The following TENM3 variants were observed in gnomAD, a reference collection of about 807,000 sequenced individuals.
The protein encoded by TENM3 is teneurin-3.
A neutral mutation model predicts 255.1 loss-of-function variants in TENM3; 63 were observed. The ratio of observed to expected loss-of-function variants is 0.25; its 90% confidence interval spans 0.20 to 0.30. The LOEUF (loss-of-function observed/expected upper bound fraction) is 0.30. Ranked by LOEUF, TENM3 falls within the 10% of genes least tolerant of loss-of-function variation. The pLI is 1.00. For synonymous variants in TENM3, 1,306 were observed against 1,322.3 expected, an observed-to-expected ratio of 0.99 and a Z score of 0.27; for missense variants, 2,929 against 3,461.1, an observed-to-expected ratio of 0.85 and a Z score of 3.86.
chr4:181,602,889 T>C, the TENM3 span, among the ~76,000 whole-genome samples: 1 of 152,200 alleles, frequency 6.6e-6, no homozygotes, highest in Non-Finnish European at 1.5e-5. Flanking sequence ...ATCTTCTGCA[T>C]ACTAAAGTTA....
the TENM3 span, among the ~76,000 whole-genome samples, chr4:182,025,020 A>ATTTTTTTTTTTTTTTT: frequency 2.3e-4 from 28 of 121,108 alleles, no homozygotes; most frequent in African/African-American, 7.7e-4. Context: ...ACAGGATTTC[A>ATTTTTTTTTTTTTTTT]TTTTTTTTTT....
At chr4:182,242,146 T>G (rs1757317765), upstream of TENM3, among the ~76,000 whole-genome samples, 1 of 149,972 alleles carries the variant, frequency 6.7e-6, no homozygotes, top group Non-Finnish European at 1.5e-5. Flanking sequence ...GCCATGTTGG[T>G]GTGCTGCACC....
the TENM3 span, among the ~76,000 whole-genome samples, chr4:181,794,759 G>A: frequency 6.7e-6 from 1 of 149,906 alleles, no homozygotes; most frequent in Admixed American, 6.7e-5. Flanking sequence ...GTTCTGTCTA[G>A]GTCGGGTTGG....
At chr4:182,136,480 A>T in the TENM3 span, among the ~76,000 whole-genome samples, 1 of 152,212 alleles carries the variant, frequency 6.6e-6, no homozygotes, top group African/African-American at 2.4e-5. Flanking sequence ...TTACATAGTG[A>T]GTTCTGAAAG....
At chr4:181,644,717 T>C in the TENM3 span, among the ~76,000 whole-genome samples, 1 of 152,200 alleles carries the variant, frequency 6.6e-6, no homozygotes, top group East Asian at 1.9e-4. Context: ...TTTTTCTCTT[T>C]TATGCTTATT....
chr4:182,234,214 C>T (rs1258781756), intron 1 of TENM3, among the ~76,000 whole-genome samples: 2 of 152,110 alleles, frequency 1.3e-5, no homozygotes, highest in African/African-American at 4.8e-5. Context: ...GGTGAGAATA[C>T]AGGCTTACTA....
the TENM3 span, among the ~76,000 whole-genome samples, chr4:181,760,016 C>T: frequency 1.3e-5 from 2 of 152,052 alleles, no homozygotes; most frequent in Admixed American, 6.6e-5. Flanking sequence ...GACTCAACCA[C>T]CATGCTGCCT....
Position 182,403,816 on chromosome 4 carries a change from G to A in TENM3, c.511+56887G>A, listed in dbSNP as rs563993987. On this transcript the variant is annotated intron_variant, in intron 3 of 27. Transcript: ENST00000511685. ...GGCTCACTGCAGCCCCAACCTCCTG[G>A]GCTCAGATCCTCCAGCCTCAGCCTT... Among the ~76,000 whole-genome samples, 18 of 152,188 alleles carry A rather than the reference G, an allele frequency of 1.2e-4. No homozygotes were observed. The South Asian group carries it at 1.9e-3, about 16-fold the overall frequency.
chr4:181,799,613 T>C, the TENM3 span, among the ~76,000 whole-genome samples: 7 of 152,248 alleles, frequency 4.6e-5, no homozygotes, highest in Admixed American at 3.9e-4. Context: ...CTAAGTCATA[T>C]AAGCACTGAG....
At chr4:182,391,753 G>T (rs976573001) in intron 3 of TENM3, among the ~76,000 whole-genome samples, 1 of 152,134 alleles carries the variant, frequency 6.6e-6, no homozygotes, top group Non-Finnish European at 1.5e-5. Context: ...GAAACAATTG[G>T]CACTGGCCTG....
chr4:181,645,901 C>G, the TENM3 span, among the ~76,000 whole-genome samples: 1 of 152,256 alleles, frequency 6.6e-6, no homozygotes, highest in East Asian at 1.9e-4. Flanking sequence ...CGTTTTTTGT[C>G]TTTTAAAAAA....
the TENM3 span, among the ~76,000 whole-genome samples, chr4:181,493,296 TA>T: frequency 0.54 from 67,162 of 124,390 alleles, 16,745 homozygotes; most frequent in East Asian, 0.7. Context: ...AACCAGTCTC[TA>T]AAAAAAAAAA....
chr4:181,479,595 A>G, the TENM3 span, among the ~76,000 whole-genome samples: 1 of 152,294 alleles, frequency 6.6e-6, no homozygotes, highest in East Asian at 1.9e-4. Flanking sequence ...TCTTTCAGAC[A>G]AAATTTTAAA....
chr4:181,797,165 C>T, the TENM3 span, among the ~76,000 whole-genome samples: 1 of 150,624 alleles, frequency 6.6e-6, no homozygotes, highest in African/African-American at 2.5e-5. Flanking sequence ...AATCTTTTTT[C>T]CTTTTTTTTT....
the TENM3 span, among the ~76,000 whole-genome samples, chr4:181,932,698 T>A: frequency 1.0e-3 from 152 of 152,304 alleles, no homozygotes; most frequent in African/African-American, 3.2e-3. Context: ...CATTCTACTA[T>A]GAAGACACAT....
At chr4:182,288,153 C>T (rs367865620) in intron 1 of TENM3, among the ~76,000 whole-genome samples, 33 of 152,074 alleles carry the variant, frequency 2.2e-4, no homozygotes, top group African/African-American at 7.7e-4. Flanking sequence ...TCAGGCTGGT[C>T]TCGAACTCCC....
At chr4:181,524,383 GA>G in the TENM3 span, among the ~76,000 whole-genome samples, 2 of 152,162 alleles carry the variant, frequency 1.3e-5, no homozygotes, top group African/African-American at 4.8e-5. Flanking sequence ...GAATTGACAC[GA>G]AAGGCTTAAA....
intron 6 of TENM3, among the ~76,000 whole-genome samples, chr4:182,657,522 C>T (rs1232567287): frequency 3.3e-5 from 5 of 152,186 alleles, no homozygotes; most frequent in Non-Finnish European, 5.9e-5. Flanking sequence ...TGTCCTCATT[C>T]TACTGATACC....
At chr4:182,012,271 A>G in the TENM3 span, among the ~76,000 whole-genome samples, 1,523 of 152,330 alleles carry the variant, frequency 1.0e-2, 28 homozygotes, top group African/African-American at 0.035. Flanking sequence ...TCCAGAACTC[A>G]CAGAATATTG....
Sources: allele counts gnomAD v4.1 joint callset (sites outside exome capture counted in the v4.1 genomes callset), GRCh38; gene constraint gnomAD v4.1.1; transcripts MANE v1.5; gene names NCBI Gene and HGNC (gene_info 2026-07-23, HGNC 2026-07-21).